PCDH11X: variants seen among roughly 807,000 people sequenced by gnomAD.
The protein encoded by PCDH11X is protocadherin 11 X-linked.
PCDH11X carries 18 observed loss-of-function variants against 53.3 expected under a neutral mutation model. That is an observed-to-expected ratio of 0.34 (90% confidence interval 0.23 to 0.50). The LOEUF (loss-of-function observed/expected upper bound fraction) is 0.50, where lower values mean the gene tolerates loss of function less well. Among genes scored for constraint, PCDH11X ranks in the 20% least tolerant of loss-of-function variants. The pLI, the probability that PCDH11X is intolerant of heterozygous loss-of-function variation, is 0.98. For synonymous variants in PCDH11X, 279 were observed against 393.3 expected (o/e 0.71, Z 3.44); for missense variants, 570 against 1,032.4 (o/e 0.55, Z 6.14).
chrX:92,353,527 A>G (rs2070110915), intron 8 of PCDH11X, among the ~76,000 whole-genome samples: 1 of 110,759 alleles, frequency 9.0e-6, no homozygotes, highest in Non-Finnish European at 1.9e-5. Flanking sequence ...AGGTTCACAA[A>G]TAAATCATTT....
rs1413368061 is a variant in PCDH11X at position 91,798,363 on chromosome X, T to A, written c.-378-11103T>A. 3 of 109,886 alleles carry A rather than the reference T, an allele frequency of 2.7e-5. No homozygotes were observed. The Admixed American group carries it at 2.9e-4, about 11-fold the overall frequency. 9.1% of individuals were successfully genotyped at this position (109,886 alleles called of 1,213,427 possible). A position where few individuals can be genotyped will look rare whatever the true frequency, so the allele number is the denominator to read the frequency against. On this transcript the variant is annotated intron_variant, in intron 1 of 10. Transcript: ENST00000682573. ...CAGCACTTTGGGAGGCCGAGGCAGG[T>A]GGATCACCTGAGGTCAGGAGTTCGA... is the stretch of plus-strand genomic sequence containing the variant.
At chrX:92,018,358 A>G (rs1325022930) in intron 6 of PCDH11X, among the ~76,000 whole-genome samples, 2 of 112,493 alleles carry the variant, frequency 1.8e-5, no homozygotes, top group Admixed American at 9.5e-5. Context: ...TTAAATAGAT[A>G]TAATTAATGT....
intron 8 of PCDH11X, among the ~76,000 whole-genome samples, chrX:92,328,855 TA>T (rs1163394685): frequency 9.1e-6 from 1 of 109,905 alleles, no homozygotes; most frequent in Non-Finnish European, 1.9e-5. Context: ...ACCAAATATT[TA>T]AGGACTAAAT....
intron 1 of PCDH11X, among the ~76,000 whole-genome samples, chrX:91,800,729 G>GA (rs1401736751): frequency 9.0e-6 from 1 of 110,674 alleles, no homozygotes; most frequent in Admixed American, 9.7e-5. Flanking sequence ...ATTGACTTTG[G>GA]AAAAAAGGCA....
At chrX:91,916,965 T>C (rs2524609) in intron 6 of PCDH11X, among the ~76,000 whole-genome samples, 1 of 111,460 alleles carries the variant, frequency 9.0e-6, no homozygotes, top group Non-Finnish European at 1.9e-5. Context: ...TAATCCACCA[T>C]GATCACGTGG....
intron 8 of PCDH11X, among the ~76,000 whole-genome samples, chrX:92,320,673 C>T (rs970152281): frequency 2.7e-5 from 3 of 111,178 alleles, no homozygotes; most frequent in Non-Finnish European, 5.6e-5. Flanking sequence ...AGAACCCACA[C>T]AATTTATAAA....
At chrX:91,851,197 A>G (rs1347336197) in intron 5 of PCDH11X, among the ~76,000 whole-genome samples, 1 of 111,817 alleles carries the variant, frequency 8.9e-6, no homozygotes. Context: ...ACTGTACATC[A>G]GAAAATCACT....
intron 8 of PCDH11X, among the ~76,000 whole-genome samples, chrX:92,359,523 A>T (rs781433280): frequency 9.0e-6 from 1 of 110,767 alleles, no homozygotes; most frequent in South Asian, 3.8e-4. Flanking sequence ...TGTCTCTATG[A>T]TAAAATTCAG....
chrX:92,528,161 T>G (rs2074489866), intron 10 of PCDH11X, among the ~76,000 whole-genome samples: 1 of 112,425 alleles, frequency 8.9e-6, no homozygotes, highest in Non-Finnish European at 1.9e-5. Context: ...GGAGTGTACA[T>G]AATGTACCTA....
intron 10 of PCDH11X, among the ~76,000 whole-genome samples, chrX:92,505,256 C>A (rs375824211): frequency 2.7e-3 from 177 of 66,111 alleles, no homozygotes; most frequent in African/African-American, 1.0e-2. Flanking sequence ...TCGGTGTCTT[C>A]ATCATTAAAT....
In PCDH11X at chrX:92,423,690, T is replaced by C. The variant is rs1418277699; in HGVS notation, c.3343+35757T>C. Among the ~76,000 whole-genome samples, 10 of 95,317 alleles carry C rather than the reference T, an allele frequency of 1.0e-4. 4 individuals carry two copies. The highest frequency in any genetic ancestry group is 2.3e-4 in the Non-Finnish European group (10 of 43,443). 82.8% of individuals were successfully genotyped at this position (95,317 alleles called of 115,157 possible). ...TAAAAAGTGAGAGATGAGGATCCAG[T>C]TTCATTCTTCTACATGTGGCTTGCC... On this transcript the variant is annotated intron_variant, in intron 9 of 10. Coordinates refer to ENST00000682573, the MANE Select transcript of PCDH11X (RefSeq NM_032968.5).
intron 6 of PCDH11X, among the ~76,000 whole-genome samples, chrX:91,891,526 A>G: frequency 1.0e-5 from 1 of 95,646 alleles, no homozygotes; most frequent in Middle Eastern, 5.0e-3. Flanking sequence ...TTTTTCGATT[A>G]ACCCAAAGCA....
At chrX:92,559,219 T>C (rs1027719042) in intron 10 of PCDH11X, among the ~76,000 whole-genome samples, 2 of 110,178 alleles carry the variant, frequency 1.8e-5, no homozygotes, top group African/African-American at 6.6e-5. Context: ...CATTGGGAAA[T>C]TTATGAAAAC....
At chrX:92,367,511 G>T (rs2070504214) in intron 8 of PCDH11X, among the ~76,000 whole-genome samples, 1 of 111,069 alleles carries the variant, frequency 9.0e-6, no homozygotes, top group African/African-American at 3.3e-5. Flanking sequence ...GGTTAATGCT[G>T]TTATGTGTGA....
intron 1 of PCDH11X, among the ~76,000 whole-genome samples, chrX:91,808,406 A>G (rs201217839): frequency 1.8e-5 from 2 of 109,567 alleles, no homozygotes; most frequent in East Asian, 2.9e-4. Context: ...GAGGCAGGAC[A>G]ATTGCTTGAA....
chrX:92,076,592 A>T (rs2063776867), intron 6 of PCDH11X, among the ~76,000 whole-genome samples: 1 of 111,598 alleles, frequency 9.0e-6, no homozygotes, highest in Admixed American at 9.5e-5. Context: ...GGGACAAATA[A>T]CCAAAATTCC....
intron 6 of PCDH11X, among the ~76,000 whole-genome samples, chrX:92,122,854 T>A (rs1205524125): frequency 9.0e-6 from 1 of 110,918 alleles, no homozygotes; most frequent in East Asian, 2.8e-4. Flanking sequence ...GGAGAGTTGC[T>A]TGAACCTGGG....
At chrX:92,267,654 C>A in intron 8 of PCDH11X, among the ~76,000 whole-genome samples, 1 of 112,546 alleles carries the variant, frequency 8.9e-6, no homozygotes, top group South Asian at 3.7e-4. Context: ...TTCAGAAATT[C>A]TCCTAAAAGC....
At chrX:92,597,701 A>G (rs1449602812) in intron 10 of PCDH11X, among the ~76,000 whole-genome samples, 1 of 111,821 alleles carries the variant, frequency 8.9e-6, no homozygotes, top group African/African-American at 3.2e-5. Context: ...TGGGACCACA[A>G]AAGACCCAGA....
Sources: gnomAD v4.1 joint callset for allele counts (sites outside exome capture counted in the v4.1 genomes callset) on GRCh38, gnomAD v4.1.1 for gene constraint, MANE v1.5 for transcripts, NCBI Gene and HGNC (gene_info 2026-07-23, HGNC 2026-07-21) for gene names.